Variants in NYAP2 observed in about 807,000 individuals in gnomAD.
The protein encoded by NYAP2 is neuronal tyrosine-phosphorylated phosphoinositide-3-kinase adapter 2.
In NYAP2, 23 loss-of-function variants were observed where a neutral mutation model predicts 50.4. The ratio of observed to expected loss-of-function variants is 0.46; its 90% CI spans 0.33 to 0.65. The LOEUF (loss-of-function observed/expected upper bound fraction) is 0.65. Among genes scored for constraint, NYAP2 ranks in the 30% least tolerant of loss-of-function variants. The pLI is 0.02. For missense variants in NYAP2, 885 were observed against 861.0 expected, an observed-to-expected ratio of 1.03 and a Z score of -0.35; for synonymous variants, 394 against 365.2, an observed-to-expected ratio of 1.08 and a Z score of -0.90.
the NYAP2 span, among the ~76,000 whole-genome samples, chr2:225,697,772 T>C: frequency 6.6e-6 from 1 of 152,016 alleles, no homozygotes; most frequent in Non-Finnish European, 1.5e-5. Flanking sequence ...AAAATATTCA[T>C]GCCCAAATTG....
intron 5 of NYAP2, among the ~76,000 whole-genome samples, chr2:225,608,322 G>A (rs1692825150): frequency 6.6e-6 from 1 of 152,128 alleles, no homozygotes; most frequent in African/African-American, 2.4e-5. Flanking sequence ...GATTTCACAT[G>A]CCCAGAGATA....
chr2:225,553,799 G>A (rs111885384), intron 4 of NYAP2, among the ~76,000 whole-genome samples: 4 of 152,084 alleles, frequency 2.6e-5, no homozygotes, highest in African/African-American at 9.7e-5. Context: ...CATTTTGGGA[G>A]GCTGAGGCGG....
intron 5 of NYAP2, among the ~76,000 whole-genome samples, chr2:225,618,393 G>T (rs867631697): frequency 6.6e-6 from 1 of 152,196 alleles, no homozygotes; most frequent in Non-Finnish European, 1.5e-5. Context: ...AAATAGGACA[G>T]GTGCAACATT....
intron 5 of NYAP2, among the ~76,000 whole-genome samples, chr2:225,623,699 A>G (rs9288609): frequency 0.92 from 139,994 of 152,208 alleles, 64,488 homozygotes; most frequent in Middle Eastern, 0.97. Flanking sequence ...AAAACAAACT[A>G]AAAATTGTTG....
intron 3 of NYAP2, among the ~76,000 whole-genome samples, chr2:225,434,249 G>A (rs542160457): frequency 6.6e-6 from 1 of 152,268 alleles, no homozygotes; most frequent in African/African-American, 2.4e-5. Flanking sequence ...CTGCCCTCCA[G>A]TACAGCAGCA....
At chr2:225,652,922 CT>C (rs1693760633) in exon 7 of NYAP2, 1 of 152,144 alleles carries the variant, frequency 6.6e-6, no homozygotes, top group African/African-American at 2.4e-5. Context: ...AAATGAGAGG[CT>C]TCTCTCAAGG....
chr2:225,474,437 C>T (rs1574633035), intron 3 of NYAP2, among the ~76,000 whole-genome samples: 1 of 152,158 alleles, frequency 6.6e-6, no homozygotes, highest in African/African-American at 2.4e-5. Context: ...TCTTCCTATC[C>T]ATGAGCATGG....
At chr2:225,478,922 C>G (rs561726475) in intron 3 of NYAP2, among the ~76,000 whole-genome samples, 4 of 152,046 alleles carry the variant, frequency 2.6e-5, no homozygotes, top group Non-Finnish European at 5.9e-5. Context: ...TCTTCATGGA[C>G]CAAACACAAA....
intron 3 of NYAP2, among the ~76,000 whole-genome samples, chr2:225,436,735 T>G (rs1283181746): frequency 7.7e-6 from 1 of 129,478 alleles, no homozygotes. Flanking sequence ...TTCTTCTGTA[T>G]AGTCAAAAAA....
At chr2:225,513,850 G>A (rs1343858026) in intron 4 of NYAP2, among the ~76,000 whole-genome samples, 178 bp downstream of exon 4, 1 of 152,182 alleles carries the variant, frequency 6.6e-6, no homozygotes, top group African/African-American at 2.4e-5. Context: ...CAAATTTCCA[G>A]AAGAATGTAT....
At chr2:225,625,043 TAAAAAAAAAAA>T (rs386392796) in intron 5 of NYAP2, among the ~76,000 whole-genome samples, 5 of 69,632 alleles carry the variant, frequency 7.2e-5, no homozygotes, top group East Asian at 1.0e-3. Context: ...AACCCAAGCG[TAAAAAAAAAAA>T]AAAAAAAAAA....
the NYAP2 span, among the ~76,000 whole-genome samples, chr2:225,660,441 ATTTTTTTT>A: frequency 7.5e-6 from 1 of 134,008 alleles, no homozygotes; most frequent in Non-Finnish European, 1.6e-5. Context: ...CACAGGATAC[ATTTTTTTT>A]TTTTTTTTTT....
At chr2:225,488,751 G>C (rs1010989091) in intron 3 of NYAP2, among the ~76,000 whole-genome samples, 1 of 152,086 alleles carries the variant, frequency 6.6e-6, no homozygotes, top group Non-Finnish European at 1.5e-5. Flanking sequence ...TGAACAGGTG[G>C]GTTTCCCTTT....
the NYAP2 span, among the ~76,000 whole-genome samples, chr2:225,692,834 T>A: frequency 6.6e-6 from 1 of 151,934 alleles, no homozygotes; most frequent in African/African-American, 2.4e-5. Context: ...AATTAAGATT[T>A]GAAAAGAATA....
the NYAP2 span, among the ~76,000 whole-genome samples, chr2:225,695,416 G>C: frequency 1.3e-5 from 2 of 151,832 alleles, no homozygotes; most frequent in African/African-American, 4.8e-5. Context: ...TTGCAATGAT[G>C]TTGAAATGTA....
the NYAP2 span, among the ~76,000 whole-genome samples, chr2:225,662,137 C>G: frequency 0.95 from 145,185 of 152,356 alleles, 69,286 homozygotes; most frequent in African/African-American, 0.99. Flanking sequence ...AATGTCATAG[C>G]AGAGGACAAA....
intron 5 of NYAP2, among the ~76,000 whole-genome samples, chr2:225,622,416 G>A (rs981229738): frequency 1.3e-5 from 2 of 152,130 alleles, no homozygotes; most frequent in Non-Finnish European, 2.9e-5. Context: ...CCCCCAGCTA[G>A]AGATGCAAAT....
In NYAP2 at chr2:225,512,827, C is replaced by CTTTCTTTCTTTCTTTCTTTCTT. The variant is rs1188934335; in HGVS notation, c.222-543_222-542insTTCTTTCTTTCTTTCTTTCTTT. On this transcript the variant is annotated intron_variant, in intron 3 of 6. Transcript: ENST00000636099. ...CTCTTTCTTTTCTTTCTTTCTCTCT[C>CTTTCTTTCTTTCTTTCTTTCTT]TCTCTCTCTCTTTCTTTCTTTCTTT... Among the ~76,000 whole-genome samples, 26 of 83,364 alleles carry CTTTCTTTCTTTCTTTCTTTCTT rather than the reference C, an allele frequency of 3.1e-4. 1 individual carries two copies. The highest frequency in any genetic ancestry group is 1.5e-3 in the African/African-American group (26 of 16,940). The allele number at this position is 83,364 out of a possible 152,430, so 54.7% of individuals were successfully genotyped here.
At chr2:225,566,053 A>G (rs766509250) in intron 4 of NYAP2, among the ~76,000 whole-genome samples, 1 of 152,124 alleles carries the variant, frequency 6.6e-6, no homozygotes, top group Non-Finnish European at 1.5e-5. Context: ...ATTTCTCTAT[A>G]ACTATATTTT....
Sources: allele counts gnomAD v4.1 joint callset (sites outside exome capture counted in the v4.1 genomes callset), GRCh38; gene constraint gnomAD v4.1.1; transcripts MANE v1.5; gene names NCBI Gene and HGNC (gene_info 2026-07-23, HGNC 2026-07-21).